Variants in EYS observed in about 807,000 individuals in gnomAD.
EYS encodes EGF-like photoreceptor maintenance factor.
Under a neutral mutation model 282.1 loss-of-function variants are expected in EYS, and 250 were observed. That is an observed-to-expected ratio of 0.89 (90% CI 0.80 to 0.98). EYS has a LOEUF of 0.98. EYS is among the 50% of genes least tolerant of loss of function. The pLI is 0.00. For missense variants in EYS, 4,016 were observed against 3,709.0 expected, an observed-to-expected ratio of 1.08 and a Z score of -2.15; for synonymous variants, 1,355 against 1,282.9, an observed-to-expected ratio of 1.06 and a Z score of -1.20.
chr6:63,809,919 T>G (rs1770997879), intron 36 of EYS, among the ~76,000 whole-genome samples: 1 of 151,486 alleles, frequency 6.6e-6, no homozygotes, highest in African/African-American at 2.4e-5. Context: ...CATTATTGTG[T>G]TTAATGTGAC....
At chr6:63,877,672 T>C (rs1393681131) in intron 35 of EYS, among the ~76,000 whole-genome samples, 1 of 152,194 alleles carries the variant, frequency 6.6e-6, no homozygotes, top group Non-Finnish European at 1.5e-5. Context: ...TTCATTTCTT[T>C]TTACTCTTTT....
intron 19 of EYS, among the ~76,000 whole-genome samples, chr6:64,878,184 C>A (rs565965670): frequency 3.9e-5 from 6 of 151,970 alleles, no homozygotes; most frequent in Non-Finnish European, 8.8e-5. Flanking sequence ...GAGATTGCAC[C>A]ACTGCACTCC....
At chr6:64,084,472 C>T (rs1414614353) in intron 31 of EYS, among the ~76,000 whole-genome samples, 1 of 152,150 alleles carries the variant, frequency 6.6e-6, no homozygotes, top group Non-Finnish European at 1.5e-5. Flanking sequence ...AGAACACAGG[C>T]TGTCTGTGTT....
At chr6:65,581,424 A>G (rs1197661194) in intron 2 of EYS, among the ~76,000 whole-genome samples, 1 of 152,054 alleles carries the variant, frequency 6.6e-6, no homozygotes, top group Non-Finnish European at 1.5e-5. Context: ...ATAAATATAT[A>G]TCTTTCATCT....
intron 22 of EYS, among the ~76,000 whole-genome samples, chr6:64,627,182 A>G (rs9353980): frequency 0.6 from 91,570 of 152,072 alleles, 27,716 homozygotes; most frequent in South Asian, 0.68. Flanking sequence ...AAGAATACAA[A>G]CGTAAGTAAA....
intron 12 of EYS, among the ~76,000 whole-genome samples, chr6:65,270,521 C>G (rs746547666): frequency 2.0e-5 from 3 of 152,136 alleles, no homozygotes; most frequent in Non-Finnish European, 2.9e-5. Flanking sequence ...GCTTAACACA[C>G]TTTCTCATTT....
In EYS at chr6:64,616,883, G is replaced by T. The variant is rs578170356; in HGVS notation, c.3684+535C>A. On this transcript the variant is annotated intron_variant, in intron 24 of 42. Coordinates refer to ENST00000503581, the MANE Select transcript of EYS (RefSeq NM_001142800.2). ...TTTTTTCACTATATTCATGGGCTGC[G>T]GTCAGTTTTAATAAAAGACTGTGGT... Among the ~76,000 whole-genome samples, 37 of 151,920 alleles carry T rather than the reference G, an allele frequency of 2.4e-4. No homozygotes were observed. In the Middle Eastern group the frequency reaches 0.01, roughly 42 times the overall value.
chr6:64,772,983 T>C (rs1773568986), intron 22 of EYS, among the ~76,000 whole-genome samples: 1 of 151,798 alleles, frequency 6.6e-6, no homozygotes, highest in Non-Finnish European at 1.5e-5. Flanking sequence ...TCTCAACTTT[T>C]CTTTTCCACT....
At chr6:65,214,410 C>A (rs990752559) in intron 12 of EYS, among the ~76,000 whole-genome samples, 4 of 152,116 alleles carry the variant, frequency 2.6e-5, no homozygotes, top group Non-Finnish European at 4.4e-5. Flanking sequence ...AAAAGCCTAA[C>A]CCAGGGCAAG....
At chr6:65,073,606 C>G (rs1319633044) in intron 12 of EYS, among the ~76,000 whole-genome samples, 1 of 151,078 alleles carries the variant, frequency 6.6e-6, no homozygotes, top group Non-Finnish European at 1.5e-5. Flanking sequence ...AATATATGAA[C>G]AAAATTTAAA....
At chr6:65,611,110 C>T (rs1467897618) in intron 2 of EYS, among the ~76,000 whole-genome samples, 1 of 151,562 alleles carries the variant, frequency 6.6e-6, no homozygotes, top group East Asian at 1.9e-4. Flanking sequence ...ATAATACATA[C>T]TTTTTATTCC....
intron 33 of EYS, among the ~76,000 whole-genome samples, chr6:64,012,186 G>A (rs754494819): frequency 1.3e-5 from 2 of 152,056 alleles, no homozygotes; most frequent in Non-Finnish European, 2.9e-5. Context: ...TTGCCTTAAT[G>A]TATACTGAAT....
intron 12 of EYS, among the ~76,000 whole-genome samples, chr6:65,122,945 T>C (rs1775606180): frequency 6.6e-6 from 1 of 152,132 alleles, no homozygotes; most frequent in Non-Finnish European, 1.5e-5. Flanking sequence ...ATAGATATTA[T>C]GAGCATATAT....
intron 2 of EYS, among the ~76,000 whole-genome samples, chr6:65,579,395 T>A (rs1764793273): frequency 6.6e-6 from 1 of 152,186 alleles, no homozygotes; most frequent in South Asian, 2.1e-4. Flanking sequence ...ATTTACAATA[T>A]ATTTCTGGAA....
intron 22 of EYS, among the ~76,000 whole-genome samples, chr6:64,767,818 T>A (rs185362339): frequency 6.6e-6 from 1 of 152,284 alleles, no homozygotes; most frequent in East Asian, 1.9e-4. Context: ...GATTGCTGGA[T>A]CATATGTTAG....
intron 40 of EYS, among the ~76,000 whole-genome samples, chr6:63,776,641 A>G (rs1249235396): frequency 6.6e-6 from 1 of 152,216 alleles, no homozygotes; most frequent in Admixed American, 6.5e-5. Flanking sequence ...ATTAATCAAA[A>G]TAATCTGCAA....
intron 2 of EYS, among the ~76,000 whole-genome samples, chr6:65,626,386 T>A (rs34806675): frequency 0.082 from 12,553 of 152,198 alleles, 647 homozygotes; most frequent in South Asian, 0.15. Context: ...GTTGTTGTTG[T>A]TATCTTCTAT....
intron 2 of EYS, among the ~76,000 whole-genome samples, chr6:65,567,503 C>A (rs1764317234): frequency 6.6e-6 from 1 of 151,780 alleles, no homozygotes; most frequent in Admixed American, 6.6e-5. Flanking sequence ...AAAAATGATG[C>A]AGCTTTTTAA....
chr6:63,752,806 T>A (rs1751255565), intron 41 of EYS, among the ~76,000 whole-genome samples: 1 of 152,096 alleles, frequency 6.6e-6, no homozygotes, highest in Non-Finnish European at 1.5e-5. Context: ...TAATTGCTTT[T>A]CTTAAATTGA....
Sources: gnomAD v4.1 joint callset for allele counts (sites outside exome capture counted in the v4.1 genomes callset) on GRCh38, gnomAD v4.1.1 for gene constraint, MANE v1.5 for transcripts, NCBI Gene and HGNC (gene_info 2026-07-23, HGNC 2026-07-21) for gene names.